TOMM40: variants seen among roughly 807,000 people sequenced by gnomAD.
The protein encoded by TOMM40 is mitochondrial import receptor subunit TOM40 homolog.
TOMM40 carries 9 observed loss-of-function variants against 38.4 expected under a neutral mutation model. The ratio of observed to expected loss-of-function variants is 0.23; its 90% CI spans 0.14 to 0.41. TOMM40 has a LOEUF of 0.41. Ranked by LOEUF, TOMM40 falls within the 10% of genes least tolerant of loss-of-function variation. TOMM40 has a pLI of 1.00. For missense variants in TOMM40, 299 were observed against 486.5 expected (o/e 0.61, Z 3.63); for synonymous variants, 184 against 210.0 (o/e 0.88, Z 1.07).
At position 44,897,506 on chromosome 19, in the gene TOMM40, G is replaced by A. The variant is rs1969587992; in HGVS notation, c.644-3224G>A. 3.9e-5 allele frequency among the ~76,000 whole-genome samples: 6 copies of A among 152,196 alleles called. 1 individual carries two copies. The South Asian group carries it at 6.2e-4, about 16-fold the overall frequency. ...CAGTCTCTGTTGCCCAGGCCAGAGT[G>A]CAGTGGCACAGTGTCAGCTCACCTC... On this transcript the variant is annotated intron_variant, in intron 5 of 8. Coordinates refer to ENST00000426677, the MANE Select transcript of TOMM40 (RefSeq NM_001128917.2).
At chr19:44,897,982 C>T (rs1003728504) in intron 5 of TOMM40, among the ~76,000 whole-genome samples, 1 of 152,142 alleles carries the variant, frequency 6.6e-6, no homozygotes, top group African/African-American at 2.4e-5. Context: ...TTCATCTCCT[C>T]TGGGAAGGAG....
Position 44,903,125 on chromosome 19 carries a change from C to T in TOMM40, c.1042C>T (p.Arg348Cys), listed in dbSNP as rs1284203580. 4 of 1,612,276 alleles carry T rather than the reference C, an allele frequency of 2.5e-6. No homozygotes were observed. Among genetic ancestry groups the T allele is most frequent in the African/African-American group, 2.7e-5 (2 of 74,992 alleles). Residue 348 changes from arginine to cysteine, a missense_variant, in exon 9 of 9, where the codon CGC becomes TGC. Coordinates refer to ENST00000426677, the MANE Select transcript of TOMM40 (RefSeq NM_001128917.2). ...GGCCCTTGGGGCCTTCCTGAATCAC[C>T]GCAAGAACAAGTTTCAGTGTGGCTT... ...TLALGAFLNHRKNKFQCGFGL... is the reference protein window; with the variant it reads ...TLALGAFLNHCKNKFQCGFGL...
Position 44,891,315 on chromosome 19 carries a change from G to T in TOMM40, c.-101G>T, listed in dbSNP as rs1969456368. On this transcript the variant is annotated 5_prime_UTR_variant, in exon 1 of 9. Coordinates refer to ENST00000426677, the MANE Select transcript of TOMM40 (RefSeq NM_001128917.2). ...AGGCCGGGAGCAGGCGCCGCCGCCA[G>T]TGAGAACCGGGGCCGGAGCCGGGTG... The T allele has an allele frequency of 2.5e-6, 3 of 1,208,166 alleles. No homozygotes were observed. Among genetic ancestry groups the T allele is most frequent in the Non-Finnish European group, 1.0e-6 (1 of 972,288 alleles). 74.8% of individuals were successfully genotyped at this position (1,208,166 alleles called of 1,614,324 possible). A position where few individuals can be genotyped will look rare whatever the true frequency, so the allele number is the denominator to read the frequency against.
intron 5 of TOMM40, among the ~76,000 whole-genome samples, chr19:44,896,453 C>T (rs1368492701): frequency 2.0e-5 from 3 of 152,236 alleles, no homozygotes; most frequent in African/African-American, 4.8e-5. Context: ...TTCTCGGCCT[C>T]AGCACTGGGC....
intron 5 of TOMM40, among the ~76,000 whole-genome samples, chr19:44,898,525 C>CTTGTTTTTTTT (rs1969612669): frequency 1.1e-5 from 1 of 88,990 alleles, no homozygotes; most frequent in Non-Finnish European, 2.1e-5. Flanking sequence ...TTTTTTTTTT[C>CTTGTTTTTTTT]TTTTTTTTTT....
In TOMM40 at chr19:44,903,084, C is replaced by T. The variant is rs1487406414; in HGVS notation, c.1001C>T (p.Pro334Leu). Residue 334 changes from proline to leucine, a missense_variant, in exon 9 of 9, where the codon CCC (proline) becomes CTC (leucine). Coordinates refer to ENST00000426677, the MANE Select transcript of TOMM40 (RefSeq NM_001128917.2). ...VGATLEKKLP[P>L]LPLTLALGAF... ...GCCACGCTGGAGAAGAAGCTCCCAC[C>T]CCTGCCCCTGACACTGGCCCTTGGG... 1 of 1,612,888 alleles carries T rather than the reference C, an allele frequency of 6.2e-7. No individual in the cohort carries two copies. The highest frequency in any genetic ancestry group is 8.5e-7 in the Non-Finnish European group (1 of 1,179,986).
Position 44,903,358 on chromosome 19 carries a change from G to A in TOMM40, c.*189G>A, listed in dbSNP as rs1969721025. The stretch of plus-strand genomic sequence containing the variant: ...GATTCTGGAACTGAATGGCGCTTCG[G>A]GATTCTGAGTAGCAGGGGCAGCATG... On this transcript the variant is annotated 3_prime_UTR_variant, in exon 9 of 9. Coordinates refer to ENST00000426677, the MANE Select transcript of TOMM40 (RefSeq NM_001128917.2). The A allele has an allele frequency of 1.7e-6, 1 of 603,862 alleles. No individual in the cohort carries two copies. The highest frequency in any genetic ancestry group is 2.2e-5 in the South Asian group (1 of 45,370). 37.4% of individuals were successfully genotyped at this position (603,862 alleles called of 1,614,324 possible). A position where few individuals can be genotyped will look rare whatever the true frequency, so the allele number is the denominator to read the frequency against.
Position 44,891,634 on chromosome 19 carries a change from C to G in TOMM40, c.219C>G (p.Ala73=), listed in dbSNP as rs1414640878. 6.7e-7 allele frequency: 1 copy of G among 1,482,990 alleles called. No individual in the cohort carries two copies. The highest frequency in any genetic ancestry group is 1.5e-5 in the African/African-American group (1 of 68,648). The allele number at this position is 1,482,990 out of a possible 1,614,324, so 91.9% of individuals were successfully genotyped here. The change falls in exon 1 of 9, where the codon GCC becomes GCG. Residue 73 remains alanine, a synonymous_variant. Coordinates refer to ENST00000426677, the MANE Select transcript of TOMM40 (RefSeq NM_001128917.2). Reference sequence around the variant, plus strand: ...CCTCAGGGGCCGCCGAGGATGGGGCCTGCGGCTGCCTGCCCAACCCGGGCA... The same window carrying G: ...CCTCAGGGGCCGCCGAGGATGGGGCGTGCGGCTGCCTGCCCAACCCGGGCA... The part of the protein sequence containing the change: ...ASASGAAEDG[A]CGCLPNPGTF...
At chr19:44,898,665 G>A (rs1453576776) in intron 5 of TOMM40, among the ~76,000 whole-genome samples, 4 of 151,500 alleles carry the variant, frequency 2.6e-5, no homozygotes, top group Non-Finnish European at 4.4e-5. Context: ...AGCCTCCTGA[G>A]TAGCTGGGAC....
Position 44,891,279 on chromosome 19 carries a change from G to T in TOMM40, c.-137G>T. On this transcript the variant is annotated 5_prime_UTR_variant, in exon 1 of 9. Coordinates refer to ENST00000426677, the MANE Select transcript of TOMM40 (RefSeq NM_001128917.2). ...CGGTTGCGCGTGGCGCACGGGGTGGGAGCGGAGCCCAGGCCGGGAGCAGGC... is the reference window on the plus strand; with the variant it reads ...CGGTTGCGCGTGGCGCACGGGGTGGTAGCGGAGCCCAGGCCGGGAGCAGGC... The T allele has an allele frequency of 1.7e-6, 2 of 1,162,608 alleles. No individual in the cohort carries two copies. Among genetic ancestry groups the T allele is most frequent in the South Asian group, 4.2e-5 (1 of 23,576 alleles). 72.0% of individuals were successfully genotyped at this position (1,162,608 alleles called of 1,614,324 possible). A position where few individuals can be genotyped will look rare whatever the true frequency, so the allele number is the denominator to read the frequency against.
intron 3 of TOMM40, among the ~76,000 whole-genome samples, chr19:44,893,477 T>C (rs1415802140): frequency 2.0e-5 from 3 of 152,190 alleles, no homozygotes; most frequent in Non-Finnish European, 4.4e-5. Flanking sequence ...TCTGCAAACC[T>C]TCATTGCACA....
In TOMM40 at chr19:44,891,255, G is replaced by A; in HGVS notation, c.-161G>A. ...TGGTGGCGGCGGCGGCAGCGGGTTC[G>A]GTTGCGCGTGGCGCACGGGGTGGGA... On this transcript the variant is annotated 5_prime_UTR_variant, in exon 1 of 9. Transcript: ENST00000426677. 7 of 1,073,376 alleles carry A rather than the reference G, an allele frequency of 6.5e-6. No homozygotes were observed. The highest frequency in any genetic ancestry group is 8.2e-6 in the Non-Finnish European group (7 of 851,196). 66.5% of individuals were successfully genotyped at this position (1,073,376 alleles called of 1,614,324 possible).
At chr19:44,892,068 G>C (rs1307106970) in intron 1 of TOMM40, among the ~76,000 whole-genome samples, 2 of 152,204 alleles carry the variant, frequency 1.3e-5, no homozygotes, top group Non-Finnish European at 2.9e-5. Flanking sequence ...AATTAGAGTA[G>C]TAGTAGTGGT....
At chr19:44,896,102 C>A (rs1205861860) in intron 5 of TOMM40, among the ~76,000 whole-genome samples, 3 of 152,210 alleles carry the variant, frequency 2.0e-5, no homozygotes, top group Non-Finnish European at 4.4e-5. Context: ...CAACCCCGTT[C>A]CCTGTGCCGC....
At chr19:44,902,870 AG>A (rs1249518302) in intron 8 of TOMM40, 159 bp from the exon 9 acceptor site, 13 of 846,204 alleles carry the variant, frequency 1.5e-5, no homozygotes, top group Non-Finnish European at 2.3e-5. Flanking sequence ...CATTTGCTCC[AG>A]CGTGAAGTTG....
intron 1 of TOMM40, 138 bp downstream of exon 1, chr19:44,891,827 GTGGAACGTTGGACTTGGGGCTTAGAATGA>G: frequency 1.0e-6 from 1 of 955,576 alleles, no homozygotes; most frequent in Non-Finnish European, 1.4e-6. Flanking sequence ...GGATCGAATG[GTGGAACGTTGGACTTGGGGCTTAGAATGA>G]TGGAATCAAA....
At chr19:44,891,788 T>G in intron 1 of TOMM40, 99 bp downstream of exon 1, 1 of 1,228,132 alleles carries the variant, frequency 8.1e-7, no homozygotes, top group Non-Finnish European at 1.1e-6. Flanking sequence ...ACCATTGGAA[T>G]TATTTAACAG....
chr19:44,894,945 G>A (rs1454348246), intron 5 of TOMM40, among the ~76,000 whole-genome samples: 1 of 152,208 alleles, frequency 6.6e-6, no homozygotes, highest in Admixed American at 6.5e-5. Context: ...GGGAGTGGAC[G>A]GGGAGAGGAG....
chr19:44,900,293 C>T (rs890544440), intron 5 of TOMM40, among the ~76,000 whole-genome samples: 3 of 152,150 alleles, frequency 2.0e-5, no homozygotes, highest in Non-Finnish European at 4.4e-5. Context: ...GGCTGGGATT[C>T]GAACCCAGGC....
Sources: gnomAD v4.1 joint callset for allele counts (sites outside exome capture counted in the v4.1 genomes callset) on GRCh38, gnomAD v4.1.1 for gene constraint, MANE v1.5 for transcripts, NCBI Gene and HGNC (gene_info 2026-07-23, HGNC 2026-07-21) for gene names.